Variants in GNA11 observed in about 807,000 individuals in gnomAD.
The protein encoded by GNA11 is guanine nucleotide-binding protein subunit alpha-11.
Under a neutral mutation model 38.2 loss-of-function variants are expected in GNA11, and 8 were observed. The observed-to-expected ratio is 0.21, with a 90% CI of 0.12 to 0.38. GNA11 has a LOEUF of 0.38. GNA11 is among the 10% of genes least tolerant of loss of function. The pLI, the probability that GNA11 is intolerant of heterozygous loss-of-function variation, is 1.00. For missense variants in GNA11, 268 were observed against 516.3 expected (o/e 0.52, Z 4.66); for synonymous variants, 211 against 221.4 (o/e 0.95, Z 0.42).
rs1271487630 is a variant in GNA11, at chr19:3,123,136, C to T, written c.*1957C>T. Reference sequence around the variant, plus strand: ...CAACCTTTTCCAGCAGCGGAGCCCTCTGGGGGGCCTGTGCTTGTGGCATCT... The same window carrying T: ...CAACCTTTTCCAGCAGCGGAGCCCTTTGGGGGGCCTGTGCTTGTGGCATCT... On this transcript the variant is annotated 3_prime_UTR_variant, in exon 7 of 7. Transcript: ENST00000078429. 2 of 233,168 alleles carry T rather than the reference C, an allele frequency of 8.6e-6. No homozygotes were observed. Among genetic ancestry groups the T allele is most frequent in the Admixed American group, 1.1e-4 (2 of 17,786 alleles). The allele number at this position is 233,168 out of a possible 1,614,324, so 14.4% of individuals were successfully genotyped here. A position where few individuals can be genotyped will look rare whatever the true frequency, so the allele number is the denominator to read the frequency against.
chr19:3,103,878 G>A (rs563454772), intron 1 of GNA11, among the ~76,000 whole-genome samples: 190 of 152,020 alleles, frequency 1.2e-3, no homozygotes, highest in African/African-American at 4.4e-3. Flanking sequence ...GTGGAGACGC[G>A]GTTTCACCGT....
intron 4 of GNA11, 48 bp from the exon 5 acceptor site, chr19:3,118,876 G>A (rs2145325720): frequency 6.3e-7 from 1 of 1,590,720 alleles, no homozygotes; most frequent in Admixed American, 1.7e-5. Flanking sequence ...ATTGCAGATT[G>A]GGCCTTGGGG....
chr19:3,099,281 C>T (rs1011115942), intron 1 of GNA11, among the ~76,000 whole-genome samples: 3 of 152,180 alleles, frequency 2.0e-5, no homozygotes, highest in African/African-American at 7.2e-5. Context: ...CCCAGCAGGG[C>T]TGTGTTCTCC....
At chr19:3,114,428 A>C (rs1913854248) in intron 3 of GNA11, among the ~76,000 whole-genome samples, 1 of 152,050 alleles carries the variant, frequency 6.6e-6, no homozygotes, top group South Asian at 2.1e-4. Flanking sequence ...CTGTGTAGAC[A>C]CTGGCTCATT....
chr19:3,122,738 GC>G lies in GNA11; in HGVS notation c.*1563del, dbSNP rs1349665325. 4.3e-6 allele frequency: 1 copy of G among 233,488 alleles called. No individual in the cohort carries two copies. The highest frequency in any genetic ancestry group is 2.2e-5 in the African/African-American group (1 of 45,330). 14.5% of individuals were successfully genotyped at this position (233,488 alleles called of 1,614,324 possible). ...GCCTCGACAGATGACAAAAGAAACA[GC>G]CCCAAAATACGACCACTCCAACCAG... On this transcript the variant is annotated 3_prime_UTR_variant, in exon 7 of 7. Coordinates refer to ENST00000078429, the MANE Select transcript of GNA11 (RefSeq NM_002067.5). This position sits in a 1 kb window ranked among gnomAD's most constrained non-coding sequence, Gnocchi z 7.7.
intron 1 of GNA11, among the ~76,000 whole-genome samples, chr19:3,106,439 G>T (rs1913639877): frequency 6.6e-6 from 1 of 152,236 alleles, no homozygotes; most frequent in Non-Finnish European, 1.5e-5. Flanking sequence ...GCTGTCCAGA[G>T]CCTCGCCCTT....
At chr19:3,106,772 G>A (rs916901932) in intron 1 of GNA11, among the ~76,000 whole-genome samples, 6 of 152,262 alleles carry the variant, frequency 3.9e-5, no homozygotes, top group Admixed American at 1.3e-4. Flanking sequence ...GGGTGTGCAC[G>A]TGTGCATTGT....
At position 3,110,400 on chromosome 19, in the gene GNA11, G is replaced by A; in HGVS notation, c.321+67G>A. ...TGTGGGCTTGGTGGTGAGCATGGTG[G>A]CCGCGCTGCCAGGGTGGGGCCATGC... On this transcript the variant is annotated intron_variant, in intron 2 of 6. Transcript: ENST00000078429. The surrounding 1 kb of genome is among the most constrained non-coding windows in gnomAD (Gnocchi z 5.4). 7.5e-7 allele frequency: 1 copy of A among 1,334,054 alleles called. No individual in the cohort carries two copies. Among genetic ancestry groups the A allele is most frequent in the Non-Finnish European group, 1.1e-6 (1 of 945,244 alleles). 82.6% of individuals were successfully genotyped at this position (1,334,054 alleles called of 1,614,324 possible). A position where few individuals can be genotyped will look rare whatever the true frequency, so the allele number is the denominator to read the frequency against.
chr19:3,105,481 G>T (rs1446551899), intron 1 of GNA11, among the ~76,000 whole-genome samples: 1 of 152,064 alleles, frequency 6.6e-6, no homozygotes, highest in Non-Finnish European at 1.5e-5. Flanking sequence ...GTGTTTCCTG[G>T]TTCATAGACA....
rs1298068160 is a variant in GNA11 at position 3,113,362 on chromosome 19, G to A, written c.354G>A (p.Val118=). 6.2e-7 allele frequency: 1 copy of A among 1,613,268 alleles called. No homozygotes were observed. Among genetic ancestry groups the A allele is most frequent in the African/African-American group, 1.3e-5 (1 of 74,942 alleles). Residue 118 remains valine, a synonymous_variant, in exon 3 of 7, where the codon GTG becomes GTA. Transcript: ENST00000078429. ...ANALLIREVD[V]EKVTTFEHQY... ...CGCTCCTGATCCGGGAGGTGGACGT[G>A]GAGAAGGTGACCACCTTCGAGCATC...
chr19:3,112,502 G>A (rs11085001), intron 2 of GNA11, among the ~76,000 whole-genome samples: 2 of 152,174 alleles, frequency 1.3e-5, no homozygotes, highest in Non-Finnish European at 2.9e-5. Context: ...TGTGCGCCCC[G>A]GGGACGGGGA....
In GNA11 at chr19:3,119,626, G is replaced by A. The variant is rs1454932546; in HGVS notation, c.889+267G>A. On this transcript the variant is annotated intron_variant, in intron 6 of 6. Transcript: ENST00000078429. This position sits in a 1 kb window ranked among gnomAD's most constrained non-coding sequence, Gnocchi z 4.6. Reference sequence around the variant, plus strand: ...CCTTATACAGGAGGGGTCTCGGGTGGGAGGGGTCTCGGGCAGGGGGATCTC... The same window carrying A: ...CCTTATACAGGAGGGGTCTCGGGTGAGAGGGGTCTCGGGCAGGGGGATCTC... Among the ~76,000 whole-genome samples the A allele has an allele frequency of 1.3e-5, 2 of 151,434 alleles. No homozygotes were observed. The highest frequency in any genetic ancestry group is 2.4e-5 in the African/African-American group (1 of 41,162).
chr19:3,100,454 C>G (rs1913474278), intron 1 of GNA11, among the ~76,000 whole-genome samples: 1 of 152,224 alleles, frequency 6.6e-6, no homozygotes, highest in South Asian at 2.1e-4. Flanking sequence ...CTGTGCAGGT[C>G]TCAGAGATGC....
At chr19:3,113,253 AG>A in intron 2 of GNA11, 76 bp from the exon 3 acceptor site, 2 of 1,421,584 alleles carry the variant, frequency 1.4e-6, no homozygotes, top group Non-Finnish European at 2.0e-6. Context: ...GAGGCCTGGA[AG>A]AGGGGCCGTC....
intron 1 of GNA11, among the ~76,000 whole-genome samples, chr19:3,105,340 T>A (rs892155407): frequency 6.7e-6 from 1 of 149,782 alleles, no homozygotes; most frequent in Non-Finnish European, 1.5e-5. Context: ...ACTACCCGAG[T>A]TTGTCTCATG....
At chr19:3,097,581 G>A (rs796269427) in intron 1 of GNA11, among the ~76,000 whole-genome samples, 5 of 152,354 alleles carry the variant, frequency 3.3e-5, no homozygotes, top group African/African-American at 1.2e-4. Context: ...GCGTCTGCTC[G>A]CTCTCATCCA....
In GNA11 at chr19:3,122,437, A is replaced by AG. The variant is rs1262739540; in HGVS notation, c.*1263dup. Reference sequence around the variant, plus strand: ...CCTGGCTGGCCACGACCACGGCCCGAGGGGGAGCCCGCCAGGCCACGCCGC... The same window carrying AG: ...CCTGGCTGGCCACGACCACGGCCCGAGGGGGGAGCCCGCCAGGCCACGCCGC... On this transcript the variant is annotated 3_prime_UTR_variant, in exon 7 of 7. Coordinates refer to ENST00000078429, the MANE Select transcript of GNA11 (RefSeq NM_002067.5). The surrounding 1 kb of genome is among the most constrained non-coding windows in gnomAD (Gnocchi z 7.7). The AG allele has an allele frequency of 4.3e-6, 1 of 230,868 alleles. No individual in the cohort carries two copies. The highest frequency in any genetic ancestry group is 8.6e-6 in the Non-Finnish European group (1 of 116,650). 14.3% of individuals were successfully genotyped at this position (230,868 alleles called of 1,614,324 possible).
At chr19:3,095,905 G>C (rs924666903) in intron 1 of GNA11, among the ~76,000 whole-genome samples, 1 of 152,142 alleles carries the variant, frequency 6.6e-6, no homozygotes, top group South Asian at 2.1e-4. Context: ...GGAGCCAGTC[G>C]GGCCAGCTGT....
At chr19:3,097,567 C>T (rs768793696) in intron 1 of GNA11, among the ~76,000 whole-genome samples, 5 of 152,202 alleles carry the variant, frequency 3.3e-5, no homozygotes, top group South Asian at 2.1e-4. Context: ...TCTGGAAGAA[C>T]GCCGCGTCTG....
Sources: gnomAD v4.1 joint callset for allele counts (sites outside exome capture counted in the v4.1 genomes callset) on GRCh38, gnomAD v4.1.1 for gene constraint, Gnocchi (gnomAD v3.1) non-coding constraint, MANE v1.5 for transcripts, NCBI Gene and HGNC (gene_info 2026-07-23, HGNC 2026-07-21) for gene names.